CACNA2D3: variants seen among roughly 807,000 people sequenced by gnomAD.
The protein encoded by CACNA2D3 is calcium voltage-gated channel auxiliary subunit alpha2delta 3, also known as voltage-dependent calcium channel subunit alpha-2/delta-3.
A neutral mutation model predicts 160.6 loss-of-function variants in CACNA2D3; 60 were observed. That is an observed-to-expected ratio of 0.37 (90% CI 0.30 to 0.46). CACNA2D3 has a LOEUF of 0.46. Ranked by LOEUF, CACNA2D3 falls within the 20% of genes least tolerant of loss-of-function variation. CACNA2D3 has a pLI of 1.00. For missense variants in CACNA2D3, 1,205 were observed against 1,365.0 expected, an observed-to-expected ratio of 0.88 and a Z score of 1.85; for synonymous variants, 558 against 492.9, an observed-to-expected ratio of 1.13 and a Z score of -1.75.
intron 2 of CACNA2D3, among the ~76,000 whole-genome samples, chr3:54,271,349 A>T (rs1448769088): frequency 6.6e-6 from 1 of 152,140 alleles, no homozygotes; most frequent in African/African-American, 2.4e-5. Flanking sequence ...CAGTCCTAGA[A>T]TCCTTTTGAC....
chr3:54,335,279 G>A (rs1384964730), intron 3 of CACNA2D3, among the ~76,000 whole-genome samples: 1 of 152,236 alleles, frequency 6.6e-6, no homozygotes, highest in Non-Finnish European at 1.5e-5. Flanking sequence ...AGTCCATAAA[G>A]TAAAGTGAAA....
At chr3:54,514,587 A>C (rs1042039214) in intron 5 of CACNA2D3, among the ~76,000 whole-genome samples, 1 of 152,164 alleles carries the variant, frequency 6.6e-6, no homozygotes. Context: ...GGAAGTCAGC[A>C]CACAGCTGGG....
intron 11 of CACNA2D3, among the ~76,000 whole-genome samples, chr3:54,646,146 C>T (rs112420619): frequency 2.9e-4 from 6 of 20,660 alleles, no homozygotes; most frequent in East Asian, 8.7e-4. Context: ...TTCCTTCCTT[C>T]CTTCCCTCCC....
At chr3:54,827,138 A>C (rs548264010) in intron 14 of CACNA2D3, among the ~76,000 whole-genome samples, 1 of 152,210 alleles carries the variant, frequency 6.6e-6, no homozygotes, top group Non-Finnish European at 1.5e-5. Flanking sequence ...AGTGGTTACT[A>C]CACAGGCTCT....
At chr3:54,319,235 A>G (rs1227905238) in intron 2 of CACNA2D3, among the ~76,000 whole-genome samples, 2 of 151,416 alleles carry the variant, frequency 1.3e-5, no homozygotes, top group African/African-American at 2.4e-5. Flanking sequence ...TGAGCCTCCC[A>G]ATTTACATTT....
At chr3:54,316,141 A>ACTGT (rs10633661) in intron 2 of CACNA2D3, among the ~76,000 whole-genome samples, 96,431 of 151,546 alleles carry the variant, frequency 0.64, 31,756 homozygotes, top group Non-Finnish European at 0.74. Flanking sequence ...GTAAGCAGTT[A>ACTGT]CTGTCATACG....
At chr3:54,502,101 G>A (rs761359527) in intron 4 of CACNA2D3, among the ~76,000 whole-genome samples, 5 of 152,152 alleles carry the variant, frequency 3.3e-5, no homozygotes, top group African/African-American at 7.2e-5. Flanking sequence ...AATATGATAT[G>A]TGTAGATGTA....
chr3:54,837,862 T>C (rs1698729418), intron 15 of CACNA2D3, among the ~76,000 whole-genome samples: 1 of 152,238 alleles, frequency 6.6e-6, no homozygotes, highest in Admixed American at 6.5e-5. Flanking sequence ...AAATCCACGA[T>C]GATTTCATCT....
intron 13 of CACNA2D3, among the ~76,000 whole-genome samples, chr3:54,787,205 T>C (rs1463929177): frequency 1.3e-5 from 2 of 152,230 alleles, no homozygotes; most frequent in East Asian, 3.8e-4. Context: ...CTCATTTGTA[T>C]TAGTTATAGG....
intron 6 of CACNA2D3, among the ~76,000 whole-genome samples, chr3:54,565,542 A>G (rs1702396207): frequency 6.6e-6 from 1 of 152,212 alleles, no homozygotes; most frequent in Admixed American, 6.5e-5. Context: ...GATGGTGGAA[A>G]TGTTCTGTAT....
intron 5 of CACNA2D3, among the ~76,000 whole-genome samples, chr3:54,541,150 G>A (rs1195586073): frequency 3.3e-5 from 5 of 151,560 alleles, no homozygotes; most frequent in Non-Finnish European, 7.4e-5. Context: ...GGTGGCGGGC[G>A]CCTGTAGTCC....
At chr3:55,001,426 T>C in intron 31 of CACNA2D3, among the ~76,000 whole-genome samples, 1 of 152,200 alleles carries the variant, frequency 6.6e-6, no homozygotes, top group East Asian at 1.9e-4. Context: ...CCTGTTGGAA[T>C]ACTTCCTCTC....
intron 2 of CACNA2D3, among the ~76,000 whole-genome samples, chr3:54,261,065 C>T (rs1272102142): frequency 6.6e-6 from 1 of 152,190 alleles, no homozygotes; most frequent in East Asian, 1.9e-4. Flanking sequence ...CACCTATGTC[C>T]TGGCGCATAG....
chr3:54,194,231 T>G (rs1295754080), intron 2 of CACNA2D3, among the ~76,000 whole-genome samples: 1 of 152,174 alleles, frequency 6.6e-6, no homozygotes, highest in Non-Finnish European at 1.5e-5. Context: ...GCTTGAAATG[T>G]TCCCAACACA....
intron 11 of CACNA2D3, among the ~76,000 whole-genome samples, chr3:54,700,433 A>C (rs964415155): frequency 6.6e-6 from 1 of 152,212 alleles, no homozygotes; most frequent in Non-Finnish European, 1.5e-5. Context: ...TAAAAATTCA[A>C]TTCCTTAGTT....
chr3:54,979,238 T>C (rs1248392003), intron 29 of CACNA2D3, among the ~76,000 whole-genome samples: 1 of 152,196 alleles, frequency 6.6e-6, no homozygotes, highest in African/African-American at 2.4e-5. Context: ...ACAGGGACTG[T>C]GTAGACAAGG....
chr3:54,754,129 C>T (rs1020109213), intron 12 of CACNA2D3, among the ~76,000 whole-genome samples: 1 of 152,156 alleles, frequency 6.6e-6, no homozygotes, highest in African/African-American at 2.4e-5. Context: ...ATTACCAATT[C>T]CCTGTTGCAT....
At chr3:54,639,250 C>T (rs993235064) in intron 10 of CACNA2D3, 3 of 149,578 alleles carry the variant, frequency 2.0e-5, no homozygotes, top group Admixed American at 6.7e-5. Context: ...CGGGACTTGC[C>T]GCTAAGGGTG....
chr3:54,581,282 G>A (rs1269875694), intron 8 of CACNA2D3, among the ~76,000 whole-genome samples: 2 of 152,216 alleles, frequency 1.3e-5, no homozygotes, highest in African/African-American at 4.8e-5. Flanking sequence ...TGTTGGCAAT[G>A]TATGGGAAAT....
Sources: allele counts gnomAD v4.1 joint callset (sites outside exome capture counted in the v4.1 genomes callset), GRCh38; gene constraint gnomAD v4.1.1; transcripts MANE v1.5; gene names NCBI Gene and HGNC (gene_info 2026-07-23, HGNC 2026-07-21).